Variants in DNAH8 observed in about 807,000 individuals in gnomAD.
DNAH8 encodes the protein axonemal beta dynein heavy chain 8.
DNAH8 carries 382 observed loss-of-function variants against 562.1 expected under a neutral mutation model. The observed-to-expected ratio is 0.68, with a 90% CI of 0.63 to 0.74. DNAH8 has a LOEUF of 0.74. DNAH8 is among the 30% of genes least tolerant of loss of function. DNAH8 has a pLI of 0.00. For missense variants in DNAH8, 5,203 were observed against 5,620.4 expected, an observed-to-expected ratio of 0.93 and a Z score of 2.37; for synonymous variants, 1,881 against 1,919.4, an observed-to-expected ratio of 0.98 and a Z score of 0.52.
chr6:38,820,434 A>G (rs1166352153), intron 26 of DNAH8, among the ~76,000 whole-genome samples: 1 of 152,326 alleles, frequency 6.6e-6, no homozygotes, highest in East Asian at 1.9e-4. Context: ...ATCCTATAAC[A>G]CTATTCCATC....
intron 62 of DNAH8, among the ~76,000 whole-genome samples, chr6:38,904,525 T>C (rs530949493): frequency 2.4e-4 from 37 of 152,212 alleles, no homozygotes; most frequent in African/African-American, 8.4e-4. Context: ...GCGCCCTGGC[T>C]CACGCCTGTA....
chr6:38,912,424 C>T (rs575211140), intron 66 of DNAH8, among the ~76,000 whole-genome samples: 1 of 152,218 alleles, frequency 6.6e-6, no homozygotes, highest in South Asian at 2.1e-4. Context: ...GAGATTGCAC[C>T]ACTACACTCC....
chr6:38,813,998 A>G, intron 24 of DNAH8, 56 bp from the exon 25 acceptor site: 1 of 1,238,584 alleles, frequency 8.1e-7, no homozygotes. Context: ...AGCATAATAA[A>G]CTAACAATGA....
intron 66 of DNAH8, among the ~76,000 whole-genome samples, chr6:38,912,644 T>C (rs1780990375): frequency 6.6e-6 from 1 of 152,184 alleles, no homozygotes; most frequent in African/African-American, 2.4e-5. Context: ...AGCCAACTCA[T>C]AGTGGCTTTT....
At chr6:38,822,246 A>G (rs1303784495) in intron 26 of DNAH8, 1 of 152,260 alleles carries the variant, frequency 6.6e-6, no homozygotes, top group Non-Finnish European at 1.5e-5. Flanking sequence ...CTAGAAAAAT[A>G]AAAGCATTGG....
chr6:38,861,929 T>C (rs1045819319), intron 43 of DNAH8, among the ~76,000 whole-genome samples: 3 of 148,446 alleles, frequency 2.0e-5, no homozygotes, highest in Admixed American at 6.8e-5. Flanking sequence ...ACAATAGATA[T>C]TGGCAAACAT....
At chr6:38,852,999 C>A (rs1775879859) in intron 40 of DNAH8, among the ~76,000 whole-genome samples, 187 bp from the exon 41 acceptor site, 1 of 152,128 alleles carries the variant, frequency 6.6e-6, no homozygotes, top group Non-Finnish European at 1.5e-5. Context: ...AAGTTTTGGA[C>A]TAGGTGATCT....
chr6:38,792,667 T>C (rs1769867506), intron 21 of DNAH8, among the ~76,000 whole-genome samples: 1 of 152,202 alleles, frequency 6.6e-6, no homozygotes, highest in African/African-American at 2.4e-5. Flanking sequence ...TACCTGTTTA[T>C]CCTCCATTGA....
chr6:38,980,708 G>T (rs1262132311), intron 85 of DNAH8, among the ~76,000 whole-genome samples: 2 of 152,084 alleles, frequency 1.3e-5, no homozygotes, highest in East Asian at 3.8e-4. Context: ...AGAAGTTTAG[G>T]TCTAGAGGTA....
chr6:38,960,382 T>C (rs1006230320), intron 82 of DNAH8, among the ~76,000 whole-genome samples: 1 of 149,002 alleles, frequency 6.7e-6, no homozygotes, highest in Non-Finnish European at 1.5e-5. Context: ...AAGGTGTTAA[T>C]ATGCAGAATA....
At position 38,741,819 on chromosome 6, in the gene DNAH8, C is replaced by G; in HGVS notation, c.1225C>G (p.Gln409Glu). 5 of 1,614,036 alleles carry G rather than the reference C, an allele frequency of 3.1e-6. No homozygotes were observed. The highest frequency in any genetic ancestry group is 2.2e-5 in the South Asian group (2 of 91,072). The change falls in exon 8 of 93, where the codon CAG (glutamine) becomes GAG (glutamate). Residue 409 changes from glutamine to glutamate, a missense_variant. Around this residue, in one of 6 missense-constraint regions of DNAH8, gnomAD observed 2,176 missense variants for 2,365.1 expected, o/e 0.92. Transcript: ENST00000327475. ...MSAKFNYIIE[Q>E]IKGPSCKAVI... ...AGCCAAGTTCAACTATATCATTGAG[C>G]AGATTAAAGGGCCAAGTTGTAAGGC...
chr6:39,026,631 G>A lies in DNAH8; in HGVS notation c.13800G>A (p.Leu4600=). Residue 4600 remains leucine, a synonymous_variant, in exon 92 of 93, where the codon CTG becomes CTA. Transcript: ENST00000327475. ...CTGTGACCATCCACAATGAAGTTCT[G>A]AGACAGACCAAGGAGGAGATCACGT... ...LDTVTIHNEV[L]RQTKEEITSP... 1.9e-6 allele frequency: 3 copies of A among 1,613,740 alleles called. No individual in the cohort carries two copies. Among genetic ancestry groups the A allele is most frequent in the Non-Finnish European group, 2.5e-6 (3 of 1,180,018 alleles).
intron 85 of DNAH8, among the ~76,000 whole-genome samples, chr6:38,979,023 G>C (rs963708082): frequency 6.6e-6 from 1 of 152,188 alleles, no homozygotes; most frequent in Non-Finnish European, 1.5e-5. Flanking sequence ...CCACTGAGTT[G>C]CTGCTACTCA....
In DNAH8 at chr6:38,974,400, A is replaced by G. The variant is rs1455491746; in HGVS notation, c.12705A>G (p.Pro4235=). The stretch of plus-strand genomic sequence containing the variant: ...CCTCTCTCAAATTCACTAATGAGCC[A>G]CCCCAAGGTGTACGCGCAGGTTTGA... ...LQTSLKFTNE[P]PQGVRAGLKR... Residue 4235 remains proline (P), a synonymous_variant, in exon 85 of 93, where the codon CCA becomes CCG. Transcript: ENST00000327475. 6.2e-7 allele frequency: 1 copy of G among 1,613,614 alleles called. No homozygotes were observed. The highest frequency in any genetic ancestry group is 1.3e-5 in the African/African-American group (1 of 74,900).
At chr6:38,981,644 A>G (rs778295884) in intron 85 of DNAH8, among the ~76,000 whole-genome samples, 8 of 152,236 alleles carry the variant, frequency 5.3e-5, no homozygotes, top group Non-Finnish European at 1.0e-4. Context: ...AGATAATCCA[A>G]CTGAAAAAAT....
rs576946348 is a variant in DNAH8 at position 38,886,918 on chromosome 6, G to A, written c.8387G>A (p.Arg2796Gln). The change falls in exon 57 of 93, where the codon CGA (arginine) becomes CAA (glutamine). Residue 2796 changes from arginine to glutamine, a missense_variant. Coordinates refer to ENST00000327475, the MANE Select transcript of DNAH8 (RefSeq NM_001206927.2). ...IAAMIHPGGG[R>Q]NDIPQRLKRQ... The stretch of plus-strand genomic sequence containing the variant: ...GCAATGATCCACCCTGGAGGTGGTC[G>A]AAATGATATTCCACAACGTTTAAAA... 21 of 1,613,906 alleles carry A rather than the reference G, an allele frequency of 1.3e-5. No homozygotes were observed. The highest frequency in any genetic ancestry group is 3.3e-5 in the Admixed American group (2 of 60,016).
At chr6:38,881,877 C>T (rs767832817) in intron 53 of DNAH8, among the ~76,000 whole-genome samples, 1 of 152,122 alleles carries the variant, frequency 6.6e-6, no homozygotes, top group African/African-American at 2.4e-5. Flanking sequence ...ATGGCAAATA[C>T]TCTATATCTA....
intron 4 of DNAH8, among the ~76,000 whole-genome samples, chr6:38,730,465 A>G (rs900333386): frequency 3.3e-5 from 5 of 152,200 alleles, no homozygotes; most frequent in African/African-American, 1.2e-4. Context: ...TGTTTTAATA[A>G]CTAGATATGT....
chr6:38,994,015 A>C (rs181685197), intron 88 of DNAH8, among the ~76,000 whole-genome samples: 5 of 152,072 alleles, frequency 3.3e-5, no homozygotes, highest in Non-Finnish European at 5.9e-5. Context: ...ACTGTTTTGT[A>C]CTTTTACTTG....
Sources: gnomAD v4.1 joint callset for allele counts (sites outside exome capture counted in the v4.1 genomes callset) on GRCh38, gnomAD v4.1.1 for gene constraint, gnomAD v4.1.1 regional missense constraint, MANE v1.5 for transcripts, NCBI Gene and HGNC (gene_info 2026-07-23, HGNC 2026-07-21) for gene names.